KCNJ6: variants seen among roughly 807,000 people sequenced by gnomAD.
KCNJ6 encodes G protein-activated inward rectifier potassium channel 2.
In KCNJ6, 9 loss-of-function variants were observed where a neutral mutation model predicts 34.2. The observed-to-expected ratio is 0.26, with a 90% CI of 0.16 to 0.46. The LOEUF is 0.46. Among genes scored for constraint, KCNJ6 ranks in the 20% least tolerant of loss-of-function variants. The probability of loss-of-function intolerance (pLI) is 1.00; values close to 1 mark genes in which losing one functional copy is unlikely to be tolerated. For synonymous variants in KCNJ6, 196 were observed against 207.1 expected (o/e 0.95, Z 0.46); for missense variants, 236 against 531.3 (o/e 0.44, Z 5.46).
chr21:37,658,218 C>T (rs2054472867), intron 3 of KCNJ6, among the ~76,000 whole-genome samples: 1 of 152,154 alleles, frequency 6.6e-6, no homozygotes, highest in Admixed American at 6.5e-5. Context: ...ATCAGAGCAC[C>T]TCAAGCATAC....
At chr21:37,755,242 C>T (rs1355215918) in intron 2 of KCNJ6, among the ~76,000 whole-genome samples, 2 of 151,846 alleles carry the variant, frequency 1.3e-5, no homozygotes, top group African/African-American at 2.4e-5. Context: ...ACTTTTATAG[C>T]TTCTGGTTGT....
intron 1 of KCNJ6, among the ~76,000 whole-genome samples, chr21:37,888,119 A>T (rs2055744613): frequency 6.6e-6 from 1 of 152,202 alleles, no homozygotes; most frequent in Non-Finnish European, 1.5e-5. Flanking sequence ...AAGGCTGGCT[A>T]TTCTGGACTT....
At chr21:37,887,878 G>A (rs188629139) in intron 1 of KCNJ6, among the ~76,000 whole-genome samples, 190 of 152,330 alleles carry the variant, frequency 1.2e-3, no homozygotes, top group African/African-American at 4.4e-3. Context: ...AGTCACGGGA[G>A]CTGGGTCAAG....
intron 1 of KCNJ6, among the ~76,000 whole-genome samples, chr21:37,842,525 TCTTA>T (rs2055486178): frequency 6.6e-6 from 1 of 152,222 alleles, no homozygotes; most frequent in African/African-American, 2.4e-5. Flanking sequence ...GCACGCTGCC[TCTTA>T]CTTAAACTAA....
intron 2 of KCNJ6, among the ~76,000 whole-genome samples, chr21:37,835,812 C>A (rs983424181): frequency 1.4e-5 from 2 of 145,108 alleles, no homozygotes; most frequent in African/African-American, 2.9e-5. Context: ...GTCACCCTAA[C>A]CCTAACCCTA....
intron 1 of KCNJ6, among the ~76,000 whole-genome samples, chr21:37,899,220 A>C (rs1478818037): frequency 6.6e-6 from 1 of 152,144 alleles, no homozygotes; most frequent in Non-Finnish European, 1.5e-5. Context: ...TGAGAGGAAG[A>C]GATTTTTGTC....
At chr21:37,757,614 C>G (rs1287114802) in intron 2 of KCNJ6, among the ~76,000 whole-genome samples, 3 of 152,046 alleles carry the variant, frequency 2.0e-5, no homozygotes, top group African/African-American at 4.8e-5. Context: ...AGTGAGCACT[C>G]CCTCACAGTG....
intron 3 of KCNJ6, among the ~76,000 whole-genome samples, chr21:37,633,320 C>G (rs1355647778): frequency 6.6e-6 from 1 of 152,120 alleles, no homozygotes; most frequent in Non-Finnish European, 1.5e-5. Flanking sequence ...ATGAGACCAA[C>G]TGTATCTACC....
At chr21:37,635,134 T>C (rs544933242) in intron 3 of KCNJ6, among the ~76,000 whole-genome samples, 1 of 152,240 alleles carries the variant, frequency 6.6e-6, no homozygotes, top group African/African-American at 2.4e-5. Context: ...GAAAGGAATA[T>C]AGAAGTAGAT....
At chr21:37,633,293 C>G (rs2054341893) in intron 3 of KCNJ6, among the ~76,000 whole-genome samples, 1 of 152,098 alleles carries the variant, frequency 6.6e-6, no homozygotes, top group Admixed American at 6.5e-5. Flanking sequence ...GATGAAACTT[C>G]TTAATAAACT....
intron 1 of KCNJ6, among the ~76,000 whole-genome samples, chr21:37,914,588 A>G (rs181247683): frequency 1.1e-4 from 17 of 152,280 alleles, no homozygotes; most frequent in Middle Eastern, 3.4e-3. Flanking sequence ...TTTTTCCCCT[A>G]TAACTGGAGC....
intron 2 of KCNJ6, among the ~76,000 whole-genome samples, chr21:37,724,052 T>C (rs967364485): frequency 3.3e-5 from 5 of 151,238 alleles, no homozygotes; most frequent in African/African-American, 9.7e-5. Flanking sequence ...GTGGAGGAAA[T>C]GAAGGGGAAT....
chr21:37,664,874 G>C (rs2054506793), intron 3 of KCNJ6, among the ~76,000 whole-genome samples: 1 of 142,540 alleles, frequency 7.0e-6, no homozygotes, highest in Admixed American at 7.6e-5. Context: ...TTGGCTCACT[G>C]CAAGCTCTGC....
intron 2 of KCNJ6, among the ~76,000 whole-genome samples, chr21:37,831,135 G>T (rs2055423988): frequency 6.6e-6 from 1 of 152,190 alleles, no homozygotes; most frequent in Non-Finnish European, 1.5e-5. Context: ...TAGGATCTCT[G>T]ATTCCAACTG....
chr21:37,889,563 C>A (rs1306691619), intron 1 of KCNJ6, among the ~76,000 whole-genome samples: 1 of 152,188 alleles, frequency 6.6e-6, no homozygotes, highest in African/African-American at 2.4e-5. Context: ...AGTACTACAA[C>A]CTGGGTGGCT....
intron 2 of KCNJ6, among the ~76,000 whole-genome samples, chr21:37,809,747 G>A (rs1350391027): frequency 6.6e-6 from 1 of 152,164 alleles, no homozygotes; most frequent in Non-Finnish European, 1.5e-5. Flanking sequence ...CTTGTAGTAG[G>A]TAGACATGAG....
chr21:37,855,976 G>A (rs1269700965), intron 1 of KCNJ6, among the ~76,000 whole-genome samples: 1 of 152,184 alleles, frequency 6.6e-6, no homozygotes, highest in Non-Finnish European at 1.5e-5. Context: ...CACAGCAGAA[G>A]GCAGGGGAGA....
At position 37,761,329 on chromosome 21, in the gene KCNJ6, TTA is replaced by T. The variant is rs762808070; in HGVS notation, c.26-46200_26-46199del. Among the ~76,000 whole-genome samples the T allele has an allele frequency of 1.0e-3, 156 of 152,134 alleles. 2 individuals carry two copies. Among genetic ancestry groups the T allele is most frequent in the African/African-American group, 3.4e-3 (142 of 41,462 alleles). Reference sequence around the variant, plus strand: ...GTATGTGCTGTGTGTCTTGTGTGTATTAGTGTGTGTATATTTGTGTGTTGTAT... The same window carrying T: ...GTATGTGCTGTGTGTCTTGTGTGTATGTGTGTGTATATTTGTGTGTTGTAT... On this transcript the variant is annotated intron_variant, in intron 2 of 3. Coordinates refer to ENST00000609713, the MANE Select transcript of KCNJ6 (RefSeq NM_002240.5).
chr21:37,829,729 G>A (rs1452660642), intron 2 of KCNJ6, among the ~76,000 whole-genome samples: 2 of 152,210 alleles, frequency 1.3e-5, no homozygotes, highest in Non-Finnish European at 2.9e-5. Flanking sequence ...CAAAGTCCCT[G>A]TGAACCCATG....
Sources: gnomAD v4.1 joint callset for allele counts (sites outside exome capture counted in the v4.1 genomes callset) on GRCh38, gnomAD v4.1.1 for gene constraint, MANE v1.5 for transcripts, NCBI Gene and HGNC (gene_info 2026-07-23, HGNC 2026-07-21) for gene names.